DPP10: variants seen among roughly 807,000 people sequenced by gnomAD.
The protein encoded by DPP10 is inactive dipeptidyl peptidase 10.
In DPP10, 33 loss-of-function variants were observed where a neutral mutation model predicts 120.9. The observed-to-expected ratio is 0.27, with a 90% CI of 0.21 to 0.37. DPP10 has a LOEUF of 0.37. Among genes scored for constraint, DPP10 ranks in the 10% least tolerant of loss-of-function variants. The pLI, the probability that DPP10 is intolerant of heterozygous loss-of-function variation, is 1.00. For synonymous variants in DPP10, 337 were observed against 326.1 expected (o/e 1.03, Z -0.36); for missense variants, 816 against 942.8 (o/e 0.87, Z 1.76).
At chr2:115,700,635 T>C (rs1322168486) in intron 7 of DPP10, among the ~76,000 whole-genome samples, 1 of 151,862 alleles carries the variant, frequency 6.6e-6, no homozygotes, top group Non-Finnish European at 1.5e-5. Context: ...GAAAGAAAAA[T>C]AAAATTATTT....
Position 115,702,359 on chromosome 2 carries a change from A to G in DPP10, c.576+12438A>G, listed in dbSNP as rs932978448. On this transcript the variant is annotated intron_variant, in intron 7 of 25. Transcript: ENST00000410059. Reference sequence around the variant, plus strand: ...CAATTCCATTCCTAGGTATATGCCTAAAAGTTCCCACAAACTTTGTACGCA... The same window carrying G: ...CAATTCCATTCCTAGGTATATGCCTGAAAGTTCCCACAAACTTTGTACGCA... Among the ~76,000 whole-genome samples the G allele has an allele frequency of 4.6e-5, 7 of 152,220 alleles. No homozygotes were observed. The South Asian group carries it at 8.3e-4, about 18-fold the overall frequency.
intron 1 of DPP10, among the ~76,000 whole-genome samples, chr2:115,120,470 A>C (rs1029961741): frequency 6.6e-6 from 1 of 152,150 alleles, no homozygotes; most frequent in Non-Finnish European, 1.5e-5. Context: ...GGAGCCTTCT[A>C]TATTTGTGGA....
chr2:115,275,891 CG>C (rs2059900791), intron 1 of DPP10, among the ~76,000 whole-genome samples: 1 of 151,810 alleles, frequency 6.6e-6, no homozygotes, highest in Non-Finnish European at 1.5e-5. Flanking sequence ...TTGGTGGAGA[CG>C]GGGTTTCACC....
At chr2:115,047,514 G>A (rs547759241) in intron 1 of DPP10, among the ~76,000 whole-genome samples, 3 of 151,506 alleles carry the variant, frequency 2.0e-5, no homozygotes, top group East Asian at 1.9e-4. Context: ...TATTTTAACC[G>A]TGTCTTTTTC....
At chr2:115,267,019 A>T (rs2059489986) in intron 1 of DPP10, among the ~76,000 whole-genome samples, 1 of 152,182 alleles carries the variant, frequency 6.6e-6, no homozygotes, top group African/African-American at 2.4e-5. Flanking sequence ...AGGACTGCTG[A>T]ATTGTCCTGT....
At chr2:115,348,132 T>C (rs1181263906) in intron 3 of DPP10, among the ~76,000 whole-genome samples, 2 of 152,136 alleles carry the variant, frequency 1.3e-5, no homozygotes, top group Non-Finnish European at 2.9e-5. Flanking sequence ...GGCCTTCCAA[T>C]ATCTTAGTCA....
rs978478759 is a variant in DPP10, at chr2:115,553,555, A to G, written c.441+27583A>G. Among the ~76,000 whole-genome samples the G allele has an allele frequency of 2.6e-5, 4 of 152,174 alleles. 1 individual carries two copies. Among genetic ancestry groups the G allele is most frequent in the Admixed American group, 2.6e-4 (4 of 15,234 alleles). Reference sequence around the variant, plus strand: ...GCATAAAATATTCTGATTATTGAGTATAATACGTTTTCATGGTCTTCCTAC... The same window carrying G: ...GCATAAAATATTCTGATTATTGAGTGTAATACGTTTTCATGGTCTTCCTAC... On this transcript the variant is annotated intron_variant, in intron 5 of 25. Coordinates refer to ENST00000410059, the MANE Select transcript of DPP10 (RefSeq NM_020868.6).
intron 2 of DPP10, among the ~76,000 whole-genome samples, chr2:115,315,263 G>GCACA (rs144116972): frequency 4.0e-5 from 6 of 148,946 alleles, no homozygotes; most frequent in African/African-American, 9.9e-5. Context: ...ACACACACAT[G>GCACA]CACACACACA....
chr2:114,839,949 C>T (rs919806461), intron 1 of DPP10, among the ~76,000 whole-genome samples: 47 of 152,060 alleles, frequency 3.1e-4, no homozygotes, highest in African/African-American at 1.1e-3. Context: ...CAATTTTATG[C>T]ATGAAAAAAG....
chr2:115,693,590 C>T (rs2091432396), intron 7 of DPP10, among the ~76,000 whole-genome samples: 1 of 152,082 alleles, frequency 6.6e-6, no homozygotes, highest in South Asian at 2.1e-4. Flanking sequence ...ACACCTATGA[C>T]AAAATAATAG....
chr2:114,713,945 A>T (rs1316352852), intron 1 of DPP10, among the ~76,000 whole-genome samples: 1 of 151,526 alleles, frequency 6.6e-6, no homozygotes, highest in Non-Finnish European at 1.5e-5. Context: ...AGATCGCACC[A>T]TTGCACTCCA....
chr2:114,921,922 T>A (rs1057325194), intron 1 of DPP10, among the ~76,000 whole-genome samples: 5 of 152,234 alleles, frequency 3.3e-5, no homozygotes, highest in Non-Finnish European at 7.4e-5. Flanking sequence ...TAAACTTTTA[T>A]TGATTATTTT....
chr2:115,648,821 C>T (rs1191568283), intron 5 of DPP10, among the ~76,000 whole-genome samples: 3 of 151,920 alleles, frequency 2.0e-5, no homozygotes, highest in Admixed American at 6.6e-5. Flanking sequence ...GAAAGCAAAG[C>T]AGTAATAGGA....
chr2:115,645,345 A>G (rs183233769), intron 5 of DPP10, among the ~76,000 whole-genome samples: 3 of 152,270 alleles, frequency 2.0e-5, no homozygotes, highest in Admixed American at 2.0e-4. Flanking sequence ...AGATTAGAAA[A>G]TGTGGTACAC....
At chr2:114,543,207 AG>A in intron 1 of DPP10, among the ~76,000 whole-genome samples, 1 of 152,284 alleles carries the variant, frequency 6.6e-6, no homozygotes, top group East Asian at 1.9e-4. Context: ...TCCTTTTATA[AG>A]GAGAATCGAC....
At chr2:114,463,524 C>G (rs532423693) in intron 1 of DPP10, 1 of 152,204 alleles carries the variant, frequency 6.6e-6, no homozygotes, top group Non-Finnish European at 1.5e-5. Flanking sequence ...CAATAATTTC[C>G]AAAGTTACTT....
At chr2:115,078,923 T>C (rs1378578104) in intron 1 of DPP10, among the ~76,000 whole-genome samples, 1 of 152,206 alleles carries the variant, frequency 6.6e-6, no homozygotes, top group Non-Finnish European at 1.5e-5. Context: ...GAGATATTTA[T>C]AGGTTCTTGA....
intron 10 of DPP10, among the ~76,000 whole-genome samples, chr2:115,751,805 T>TGC: frequency 1.8e-5 from 1 of 54,780 alleles, no homozygotes; most frequent in East Asian, 1.3e-3. Flanking sequence ...TTTTTGTTGT[T>TGC]TTTTTTTTTT....
intron 1 of DPP10, among the ~76,000 whole-genome samples, chr2:114,767,207 C>CAAAAAA (rs5833559): frequency 2.4e-4 from 8 of 33,060 alleles, no homozygotes; most frequent in Non-Finnish European, 3.0e-4. Flanking sequence ...AGGATAAAAG[C>CAAAAAA]AAAAAAAAAA....
Sources: gnomAD v4.1 joint callset for allele counts (sites outside exome capture counted in the v4.1 genomes callset) on GRCh38, gnomAD v4.1.1 for gene constraint, MANE v1.5 for transcripts, NCBI Gene and HGNC (gene_info 2026-07-23, HGNC 2026-07-21) for gene names.